MLKL: variants seen among roughly 807,000 people sequenced by gnomAD.
MLKL encodes mixed lineage kinase domain-like protein.
Under a neutral mutation model 56.5 loss-of-function variants are expected in MLKL, and 55 were observed. The ratio of observed to expected loss-of-function variants is 0.97; its 90% CI spans 0.78 to 1.22. The LOEUF (loss-of-function observed/expected upper bound fraction) is 1.22. MLKL is among the 50% of genes most tolerant of loss of function. The pLI, the probability that MLKL is intolerant of heterozygous loss-of-function variation, is 0.00. For synonymous variants in MLKL, 251 were observed against 208.3 expected (o/e 1.20, Z -1.76); for missense variants, 694 against 573.9 (o/e 1.21, Z -2.14).
Position 74,695,470 on chromosome 16 carries a change from T to C in MLKL, c.288A>G (p.Ile96Met), listed in dbSNP as rs192549642. 3.3e-5 allele frequency: 54 copies of C among 1,613,910 alleles called. 1 individual carries two copies. In the East Asian group the frequency reaches 1.2e-3, roughly 36 times the overall value. The change falls in exon 2 of 11, where the codon ATA (isoleucine) becomes ATG (methionine). Residue 96 changes from isoleucine (I) to methionine (M), a missense_variant. Transcript: ENST00000308807. ...CRFLTASQDK[I>M]LFKDVNRKLS... ...GCTTCCTGTTCACGTCCTTGAAGAG[T>C]ATTTTGTCCTGGCTTGCTGTTAGAA...
chr16:74,700,107 G>A (rs749962491), intron 1 of MLKL, among the ~76,000 whole-genome samples: 108 of 152,042 alleles, frequency 7.1e-4, no homozygotes, highest in Non-Finnish European at 1.1e-3. Context: ...ATAAGTAAAG[G>A]TTATCAGGCA....
Position 74,675,953 on chromosome 16 carries a change from T to C in MLKL, c.1039-189A>G, listed in dbSNP as rs144938022. 7.5e-3 allele frequency: 4,631 copies of C among 618,566 alleles called. 41 individuals carry two copies. Among genetic ancestry groups the C allele is most frequent in the Non-Finnish European group, 8.7e-3 (3,181 of 364,648 alleles). 38.3% of individuals were successfully genotyped at this position (618,566 alleles called of 1,614,324 possible). ...ATGGGTTCAACTTATCACAGTGCAG[T>C]GACCAAGAGAAACACAAAGAGATTT... On this transcript the variant is annotated intron_variant, in intron 7 of 10. Coordinates refer to ENST00000308807, the MANE Select transcript of MLKL (RefSeq NM_152649.4).
intron 5 of MLKL, among the ~76,000 whole-genome samples, chr16:74,684,330 C>T (rs1960183021): frequency 6.8e-6 from 1 of 147,380 alleles, no homozygotes; most frequent in Non-Finnish European, 1.5e-5. Flanking sequence ...GGGGATAAGA[C>T]AGGAGTTGCT....
intron 6 of MLKL, among the ~76,000 whole-genome samples, chr16:74,680,088 G>C (rs1959846925): frequency 6.6e-6 from 1 of 152,184 alleles, no homozygotes; most frequent in African/African-American, 2.4e-5. Flanking sequence ...GGGACAGATG[G>C]ATATAAAACT....
chr16:74,685,679 G>A, intron 4 of MLKL, 96 bp from the exon 5 acceptor site: 1 of 916,852 alleles, frequency 1.1e-6, no homozygotes, highest in Non-Finnish European at 1.7e-6. Context: ...GGGGGCGGGG[G>A]TATCAGCATC....
chr16:74,679,102 G>A, intron 6 of MLKL, 122 bp from the exon 7 acceptor site: 1 of 697,634 alleles, frequency 1.4e-6, no homozygotes, highest in Admixed American at 2.5e-5. Context: ...CAGTTACACA[G>A]GAAAAACTGG....
intron 5 of MLKL, among the ~76,000 whole-genome samples, chr16:74,684,075 G>A (rs1960166807): frequency 6.6e-6 from 1 of 151,868 alleles, no homozygotes; most frequent in Non-Finnish European, 1.5e-5. Context: ...AGCCTCCCGA[G>A]TAGCTGGGAC....
chr16:74,680,071 G>A (rs1363049438), intron 6 of MLKL, among the ~76,000 whole-genome samples: 1 of 152,166 alleles, frequency 6.6e-6, no homozygotes, highest in Admixed American at 6.5e-5. Flanking sequence ...CTGTGTTGGG[G>A]AGGGCAGGGA....
rs972047824 is a variant in MLKL, at chr16:74,685,553, G to C, written c.753C>G (p.Ile251Met). ...GAGATTCGAATTTCTTCATGGTTTT[G>C]ATCTCCTTATTGAAAGTCTGCCTCA... ...AIVRQTFNKEIKTMKKFESPN... is the reference protein window; with the variant it reads ...AIVRQTFNKEMKTMKKFESPN... The change falls in exon 5 of 11, where the codon ATC (isoleucine) becomes ATG (methionine). Residue 251 changes from isoleucine (I) to methionine (M), a missense_variant. Physicochemically the swap from Ile to Met is conservative, Grantham distance 10. Transcript: ENST00000308807. 3.1e-6 allele frequency: 5 copies of C among 1,613,846 alleles called. No individual in the cohort carries two copies. The highest frequency in any genetic ancestry group is 4.2e-6 in the Non-Finnish European group (5 of 1,179,878).
rs746820526 is a variant in MLKL at position 74,691,477 on chromosome 16, C to T, written c.536-14G>A. On this transcript the variant is annotated splice_polypyrimidine_tract_variant and intron_variant, in intron 3 of 10. Transcript: ENST00000308807. Reference sequence around the variant, plus strand: ...TTGGTGGTAAATCTGACCTCACCCCCGAGAGGAAAGAAGACAAAAGAGTCA... The same window carrying T: ...TTGGTGGTAAATCTGACCTCACCCCTGAGAGGAAAGAAGACAAAAGAGTCA... The T allele has an allele frequency of 1.3e-5, 21 of 1,603,928 alleles. No homozygotes were observed. The highest frequency in any genetic ancestry group is 5.3e-5 in the Admixed American group (3 of 56,446).
intron 4 of MLKL, among the ~76,000 whole-genome samples, chr16:74,687,842 T>G: frequency 6.7e-6 from 1 of 149,048 alleles, no homozygotes. Flanking sequence ...CTATTTTTTT[T>G]TGCGATGGAG....
chr16:74,683,173 G>C (rs1960097145), intron 5 of MLKL, among the ~76,000 whole-genome samples: 1 of 152,012 alleles, frequency 6.6e-6, no homozygotes, highest in Non-Finnish European at 1.5e-5. Flanking sequence ...GCTGGGTGTG[G>C]TGGCAGGTGC....
intron 1 of MLKL, among the ~76,000 whole-genome samples, chr16:74,697,377 C>T (rs796366520): frequency 3.2e-4 from 48 of 152,208 alleles, no homozygotes; most frequent in African/African-American, 1.1e-3. Context: ...AATAACCTCC[C>T]TGATTGTTTA....
At chr16:74,675,184 A>C in intron 9 of MLKL, 84 bp from the exon 10 acceptor site, 1 of 1,570,296 alleles carries the variant, frequency 6.4e-7, no homozygotes, top group Admixed American at 1.8e-5. Context: ...CATCAGAACT[A>C]GGGACTCTGA....
chr16:74,700,280 C>A (rs1025244789), intron 1 of MLKL, among the ~76,000 whole-genome samples, 173 bp downstream of exon 1: 3 of 151,894 alleles, frequency 2.0e-5, no homozygotes, highest in Non-Finnish European at 4.4e-5. Context: ...GAAGGTAGTG[C>A]GAGATCCGAG....
intron 2 of MLKL, among the ~76,000 whole-genome samples, chr16:74,693,029 G>C (rs148946501): frequency 1.1e-3 from 174 of 152,330 alleles, no homozygotes; most frequent in African/African-American, 4.0e-3. Context: ...GAAAAGTATA[G>C]AGAAGCAGAT....
At chr16:74,684,005 T>C (rs1960160912) in intron 5 of MLKL, among the ~76,000 whole-genome samples, 1 of 152,144 alleles carries the variant, frequency 6.6e-6, no homozygotes, top group Non-Finnish European at 1.5e-5. Context: ...TGGAGTGCAG[T>C]GGCATGATAT....
rs1374043737 is a variant in MLKL, at chr16:74,675,955, A to T, written c.1039-191T>A. The T allele has an allele frequency of 1.2e-5, 7 of 608,520 alleles. No individual in the cohort carries two copies. The East Asian group carries it at 1.7e-4, about 15-fold the overall frequency. The allele number at this position is 608,520 out of a possible 1,614,324, so 37.7% of individuals were successfully genotyped here. A position where few individuals can be genotyped will look rare whatever the true frequency, so the allele number is the denominator to read the frequency against. ...GGGTTCAACTTATCACAGTGCAGTG[A>T]CCAAGAGAAACACAAAGAGATTTCT... On this transcript the variant is annotated intron_variant, in intron 7 of 10. Transcript: ENST00000308807.
intron 2 of MLKL, among the ~76,000 whole-genome samples, chr16:74,693,467 A>G (rs56919085): frequency 4.1e-4 from 28 of 67,756 alleles, no homozygotes; most frequent in Middle Eastern, 7.8e-3. Context: ...AAAAAAAAAA[A>G]AGAAAAGAAA....
Sources: allele counts gnomAD v4.1 joint callset (sites outside exome capture counted in the v4.1 genomes callset), GRCh38; gene constraint gnomAD v4.1.1; transcripts MANE v1.5; gene names NCBI Gene and HGNC (gene_info 2026-07-23, HGNC 2026-07-21).